The following ARHGEF16 variants were observed in gnomAD, a reference collection of about 807,000 sequenced individuals.
ARHGEF16 encodes the protein Rho guanine nucleotide exchange factor 16, also known as Rho guanine exchange factor (GEF) 16.
In ARHGEF16, 59 loss-of-function variants were observed where a neutral mutation model predicts 74.1. That is an observed-to-expected ratio of 0.80 (90% CI 0.65 to 0.99). The LOEUF (loss-of-function observed/expected upper bound fraction) is 0.99. Among genes scored for constraint, ARHGEF16 ranks in the 50% least tolerant of loss-of-function variants. The pLI is 0.00. For synonymous variants in ARHGEF16, 415 were observed against 412.6 expected, an observed-to-expected ratio of 1.01 and a Z score of -0.07; for missense variants, 948 against 986.6, an observed-to-expected ratio of 0.96 and a Z score of 0.52.
chr1:3,468,353 T>C (rs1384344705), intron 4 of ARHGEF16, among the ~76,000 whole-genome samples: 1 of 152,068 alleles, frequency 6.6e-6, no homozygotes, highest in Admixed American at 6.5e-5. Flanking sequence ...GTGGCAGCCC[T>C]CCTGGTCCTG....
chr1:3,479,434 C>A, intron 12 of ARHGEF16, 83 bp from the exon 13 acceptor site: 37 of 1,487,696 alleles, frequency 2.5e-5, no homozygotes, highest in Non-Finnish European at 3.3e-5. Flanking sequence ...CCACGGCCCC[C>A]ATGGGTGGCT....
intron 1 of ARHGEF16, among the ~76,000 whole-genome samples, chr1:3,457,970 C>T (rs970837907): frequency 4.6e-5 from 7 of 152,194 alleles, no homozygotes; most frequent in African/African-American, 1.4e-4. Flanking sequence ...AAAAGTGGCA[C>T]AGATGGGCCC....
At chr1:3,478,931 C>T (rs1262277141) in intron 12 of ARHGEF16, among the ~76,000 whole-genome samples, 1 of 152,042 alleles carries the variant, frequency 6.6e-6, no homozygotes, top group African/African-American at 2.4e-5. Context: ...GAGGTGGGGC[C>T]GGAGTGTGGG....
rs191930201 is a variant in ARHGEF16 at position 3,474,873 on chromosome 1, G to C, written c.1380+91G>C. The C allele has an allele frequency of 6.2e-4, 736 of 1,186,692 alleles. 6 individuals carry two copies. In the East Asian group the frequency reaches 0.017, roughly 28 times the overall value. The allele number at this position is 1,186,692 out of a possible 1,614,324, so 73.5% of individuals were successfully genotyped here. ...CACCCTACCCGATGGCATAGGGCTG[G>C]CTTCCCCTACCTTCCAGGGCAGCGA... On this transcript the variant is annotated intron_variant, in intron 9 of 14. Transcript: ENST00000378378.
At chr1:3,474,923 G>A (rs1030141586) in intron 9 of ARHGEF16, 141 bp downstream of exon 9, 1 of 663,192 alleles carries the variant, frequency 1.5e-6, no homozygotes, top group Non-Finnish European at 2.6e-6. Flanking sequence ...TCCATCCCAA[G>A]CCTTTCACAG....
intron 4 of ARHGEF16, among the ~76,000 whole-genome samples, chr1:3,467,959 C>T (rs1442287334): frequency 6.6e-6 from 1 of 152,130 alleles, no homozygotes; most frequent in Non-Finnish European, 1.5e-5. Flanking sequence ...GCTCCTTGTT[C>T]GCCATTCAGA....
At position 3,463,142 on chromosome 1, in the gene ARHGEF16, C is replaced by T. The variant is rs919685290; in HGVS notation, c.58C>T (p.His20Tyr). The T allele has an allele frequency of 3.0e-5, 45 of 1,491,018 alleles. No homozygotes were observed. Among genetic ancestry groups the T allele is most frequent in the Non-Finnish European group, 3.9e-5 (43 of 1,115,214 alleles). The allele number at this position is 1,491,018 out of a possible 1,614,324, so 92.4% of individuals were successfully genotyped here. A position where few individuals can be genotyped will look rare whatever the true frequency, so the allele number is the denominator to read the frequency against. ...LEEKLLGHRF[H>Y]SELRLDAGGN... ...GGAGAAGCTCCTGGGACACCGCTTC[C>T]ACTCGGAGCTCCGGCTCGATGCCGG... The change falls in exon 2 of 15, where the codon CAC becomes TAC. Residue 20 changes from histidine to tyrosine, a missense_variant. Transcript: ENST00000378378.
Position 3,480,550 on chromosome 1 carries a change from G to T in ARHGEF16, c.2093G>T (p.Arg698Leu). The stretch of plus-strand genomic sequence containing the variant: ...CGTGTGGCCGTGGAGGGCAATGTCC[G>T]CAGGATGGAGCGTCTGCGGGTGGAG... ...TSRVAVEGNV[R>L]RMERLRVETD... The change falls in exon 15 of 15, where the codon CGC becomes CTC. Residue 698 changes from arginine to leucine, a missense_variant. Coordinates refer to ENST00000378378, the MANE Select transcript of ARHGEF16 (RefSeq NM_014448.4). 1 of 1,610,648 alleles carries T rather than the reference G, an allele frequency of 6.2e-7. No homozygotes were observed. Among genetic ancestry groups the T allele is most frequent in the Non-Finnish European group, 8.5e-7 (1 of 1,179,904 alleles).
Position 3,478,406 on chromosome 1 carries a change from C to G in ARHGEF16, c.1626-18C>G, listed in dbSNP as rs1238044209. On this transcript the variant is annotated intron_variant, in intron 11 of 14. Coordinates refer to ENST00000378378, the MANE Select transcript of ARHGEF16 (RefSeq NM_014448.4). The stretch of plus-strand genomic sequence containing the variant: ...GAGCTGGGTGGGACCGTCCCACCGA[C>G]TGCCCGTGTCTCCACAGCGAGGAGA... The G allele has an allele frequency of 5.7e-6, 9 of 1,576,248 alleles. No individual in the cohort carries two copies. Among genetic ancestry groups the G allele is most frequent in the Non-Finnish European group, 7.8e-6 (9 of 1,155,816 alleles).
At position 3,459,890 on chromosome 1, in the gene ARHGEF16, G is replaced by A. The variant is rs1287827910; in HGVS notation, c.-19-3176G>A. Among the ~76,000 whole-genome samples the A allele has an allele frequency of 2.0e-5, 3 of 152,242 alleles. No homozygotes were observed. The East Asian group carries it at 5.8e-4, about 29-fold the overall frequency. On this transcript the variant is annotated intron_variant, in intron 1 of 14. Coordinates refer to ENST00000378378, the MANE Select transcript of ARHGEF16 (RefSeq NM_014448.4). The stretch of plus-strand genomic sequence containing the variant: ...AGGGGGTAGGAATGCCCATAGGTGG[G>A]GGTCACTGAGAGCAGGCTGTGCCTT...
At chr1:3,460,648 G>A (rs755203639) in intron 1 of ARHGEF16, among the ~76,000 whole-genome samples, 34 of 152,132 alleles carry the variant, frequency 2.2e-4, no homozygotes, top group Non-Finnish European at 4.3e-4. Context: ...TGGATTTCTC[G>A]GCCGGGCCTG....
intron 10 of ARHGEF16, among the ~76,000 whole-genome samples, chr1:3,477,034 ATGGTCTTGAAGT>A (rs1639897547): frequency 6.6e-6 from 1 of 151,776 alleles, no homozygotes; most frequent in Non-Finnish European, 1.5e-5. Context: ...TCACCCCCAC[ATGGTCTTGAAGT>A]TGGTCTTGGA....
chr1:3,458,259 C>G (rs1293450621), intron 1 of ARHGEF16, among the ~76,000 whole-genome samples: 2 of 152,250 alleles, frequency 1.3e-5, no homozygotes, highest in Non-Finnish European at 2.9e-5. Flanking sequence ...GCGGCTCCCT[C>G]TGCCCTGTGC....
intron 10 of ARHGEF16, 92 bp downstream of exon 10, chr1:3,476,154 G>A (rs1003162476): frequency 2.2e-6 from 3 of 1,359,474 alleles, no homozygotes; most frequent in Admixed American, 4.3e-5. Flanking sequence ...CTGAGCCTGA[G>A]GGCTGGAGAG....
chr1:3,477,602 G>C (rs1639922864), intron 10 of ARHGEF16, among the ~76,000 whole-genome samples: 1 of 151,672 alleles, frequency 6.6e-6, no homozygotes, highest in Non-Finnish European at 1.5e-5. Flanking sequence ...TTCGAGTCCT[G>C]GCTTGGGTGA....
chr1:3,478,079 G>T (rs377316556), intron 11 of ARHGEF16, 53 bp downstream of exon 11: 6 of 1,608,716 alleles, frequency 3.7e-6, no homozygotes, highest in Non-Finnish European at 4.2e-6. Context: ...ACACTGGACC[G>T]CTGGCCCTGG....
At chr1:3,473,006 ATGTC>A (rs1312353128) in intron 6 of ARHGEF16, 68 bp from the exon 7 acceptor site, 2 of 1,522,230 alleles carry the variant, frequency 1.3e-6, no homozygotes, top group African/African-American at 2.7e-5. Flanking sequence ...ATGCAGATGC[ATGTC>A]TGTGTGTGCA....
rs760422960 is a variant in ARHGEF16, at chr1:3,463,165, C to T, written c.81C>T (p.Ala27=). The part of the protein sequence containing the change: ...HRFHSELRLD[A]GGNPASGLPM... ...TCCACTCGGAGCTCCGGCTCGATGCCGGGGGGAACCCAGCCTCCGGGCTCC... is the reference window on the plus strand; with the variant it reads ...TCCACTCGGAGCTCCGGCTCGATGCTGGGGGGAACCCAGCCTCCGGGCTCC... Residue 27 remains alanine, a synonymous_variant, in exon 2 of 15, where the codon GCC becomes GCT. Coordinates refer to ENST00000378378, the MANE Select transcript of ARHGEF16 (RefSeq NM_014448.4). 5.1e-5 allele frequency: 78 copies of T among 1,516,804 alleles called. No individual in the cohort carries two copies. The highest frequency in any genetic ancestry group is 6.4e-5 in the Non-Finnish European group (72 of 1,127,232). 94.0% of individuals were successfully genotyped at this position (1,516,804 alleles called of 1,614,324 possible). A position where few individuals can be genotyped will look rare whatever the true frequency, so the allele number is the denominator to read the frequency against.
chr1:3,467,536 C>T (rs1639582660), intron 4 of ARHGEF16, among the ~76,000 whole-genome samples, 199 bp downstream of exon 4: 1 of 152,172 alleles, frequency 6.6e-6, no homozygotes, highest in Admixed American at 6.5e-5. Flanking sequence ...TCAGAGTCAC[C>T]CTGCCCATGC....
Sources: gnomAD v4.1 joint callset for allele counts (sites outside exome capture counted in the v4.1 genomes callset) on GRCh38, gnomAD v4.1.1 for gene constraint, MANE v1.5 for transcripts, NCBI Gene and HGNC (gene_info 2026-07-23, HGNC 2026-07-21) for gene names.